Variants in SNX1 observed in about 807,000 individuals in gnomAD.
SNX1 encodes the protein sorting nexin 1.
Under a neutral mutation model 71.8 loss-of-function variants are expected in SNX1, and 36 were observed. That is an observed-to-expected ratio of 0.50 (90% confidence interval 0.38 to 0.66). The LOEUF (loss-of-function observed/expected upper bound fraction) is 0.66. Ranked by LOEUF, SNX1 falls within the 30% of genes least tolerant of loss-of-function variation. The pLI, the probability that SNX1 is intolerant of heterozygous loss-of-function variation, is 0.00. For missense variants in SNX1, 612 were observed against 646.7 expected, an observed-to-expected ratio of 0.95 and a Z score of 0.58; for synonymous variants, 254 against 240.7, an observed-to-expected ratio of 1.06 and a Z score of -0.51.
chr15:64,126,082 A>C lies in SNX1; in HGVS notation c.514A>C (p.Ser172Arg). 8 of 1,614,156 alleles carry C rather than the reference A, an allele frequency of 5.0e-6. No homozygotes were observed. The highest frequency in any genetic ancestry group is 6.8e-6 in the Non-Finnish European group (8 of 1,180,012). ...TGTGTTTTTTCCTGTCCCCAAGACAAGCTTACCATTGTTCAGAAGCAAACA... is the reference window on the plus strand; with the variant it reads ...TGTGTTTTTTCCTGTCCCCAAGACACGCTTACCATTGTTCAGAAGCAAACA... ...YVAYKVTTQT[S>R]LPLFRSKQFA... The change falls in exon 6 of 15, where the codon AGC (serine) becomes CGC (arginine). Residue 172 changes from serine to arginine, a missense_variant. This residue lies in a region of SNX1 where 316 missense variants were observed against 284.9 expected (regional missense o/e 1.11). Coordinates refer to ENST00000559844, the MANE Select transcript of SNX1 (RefSeq NM_003099.5).
At chr15:64,096,953 G>A (rs1295702455) in intron 1 of SNX1, among the ~76,000 whole-genome samples, 1 of 152,204 alleles carries the variant, frequency 6.6e-6, no homozygotes, top group Non-Finnish European at 1.5e-5. Flanking sequence ...AATAACAAAG[G>A]AATGAAACAC....
In SNX1 at chr15:64,112,494, G is replaced by T. The variant is rs1187940230; in HGVS notation, c.160-79G>T. 3.7e-6 allele frequency: 3 copies of T among 804,230 alleles called. No individual in the cohort carries two copies. The Admixed American group carries it at 6.9e-5, about 19-fold the overall frequency. 49.8% of individuals were successfully genotyped at this position (804,230 alleles called of 1,614,324 possible). A position where few individuals can be genotyped will look rare whatever the true frequency, so the allele number is the denominator to read the frequency against. On this transcript the variant is annotated intron_variant, in intron 1 of 14. Transcript: ENST00000559844. ...GGCTGACTGGTGGCAACTGAGGGAGGCATTAAAAGTTGCTTTCTAGGCAAG... is the reference window on the plus strand; with the variant it reads ...GGCTGACTGGTGGCAACTGAGGGAGTCATTAAAAGTTGCTTTCTAGGCAAG...
Position 64,138,323 on chromosome 15 carries a change from C to CTT in SNX1, c.*706_*707insTT, listed in dbSNP as rs1205317987. 0.017 allele frequency: 11,530 copies of CTT among 692,938 alleles called. 1,140 individuals are homozygous for CTT. In the African/African-American group the frequency reaches 0.21, roughly 13 times the overall value. 42.9% of individuals were successfully genotyped at this position (692,938 alleles called of 1,614,324 possible). ...CAAAGGAGGCAGAGACTTTCTCTCT[C>CTT]TCTTTTTTTTTTTTTTTTGGTGTCC... On this transcript the variant is annotated 3_prime_UTR_variant, in exon 15 of 15. Transcript: ENST00000559844.
chr15:64,118,741 CT>C (rs756382375), intron 3 of SNX1, 46 bp from the exon 4 acceptor site: 227 of 1,417,074 alleles, frequency 1.6e-4, no homozygotes, highest in East Asian at 9.9e-4. Context: ...AAATTGATAG[CT>C]TTTTTTTTCA....
At chr15:64,117,618 C>T (rs1276658127) in intron 2 of SNX1, among the ~76,000 whole-genome samples, 3 of 152,026 alleles carry the variant, frequency 2.0e-5, no homozygotes, top group Admixed American at 6.6e-5. Flanking sequence ...AGGAATACTC[C>T]GAAGATTAAA....
At chr15:64,135,391 C>T (rs781049119) in intron 12 of SNX1, among the ~76,000 whole-genome samples, 8 of 150,188 alleles carry the variant, frequency 5.3e-5, no homozygotes, top group Non-Finnish European at 5.9e-5. Context: ...TGAGCCACCG[C>T]GCCCGGCCGA....
chr15:64,102,090 G>GT (rs1251513350), intron 1 of SNX1, among the ~76,000 whole-genome samples: 1 of 152,104 alleles, frequency 6.6e-6, no homozygotes, highest in East Asian at 1.9e-4. Context: ...TAGATACCAA[G>GT]TTTTTTAAAA....
rs887506619 is a variant in SNX1, at chr15:64,139,136, A to G, written c.*1518A>G. 3.9e-5 allele frequency: 6 copies of G among 152,118 alleles called. No homozygotes were observed. Among genetic ancestry groups the G allele is most frequent in the African/African-American group, 1.4e-4 (6 of 41,414 alleles). The allele number at this position is 152,118 out of a possible 1,614,324, so 9.4% of individuals were successfully genotyped here. A position where few individuals can be genotyped will look rare whatever the true frequency, so the allele number is the denominator to read the frequency against. The stretch of plus-strand genomic sequence containing the variant: ...GTTTTATCCTTCCAGTCTTTATTAT[A>G]TGCTTGCTTTTACATAGTTGTAATA... On this transcript the variant is annotated 3_prime_UTR_variant, in exon 15 of 15. Transcript: ENST00000559844.
chr15:64,103,994 A>G (rs1208426192), intron 1 of SNX1, among the ~76,000 whole-genome samples: 2 of 152,242 alleles, frequency 1.3e-5, no homozygotes, highest in Non-Finnish European at 2.9e-5. Flanking sequence ...TGGAGTTAAC[A>G]TACATCAAGT....
chr15:64,099,213 G>T (rs2080933692), intron 1 of SNX1, among the ~76,000 whole-genome samples: 1 of 152,034 alleles, frequency 6.6e-6, no homozygotes, highest in Non-Finnish European at 1.5e-5. Flanking sequence ...CCTGAACATG[G>T]TACTTAATTA....
chr15:64,101,122 A>T lies in SNX1; in HGVS notation c.159+4950A>T, dbSNP rs183310859. Among the ~76,000 whole-genome samples, 4 of 152,300 alleles carry T rather than the reference A, an allele frequency of 2.6e-5. No homozygotes were observed. The East Asian group carries it at 7.7e-4, about 29-fold the overall frequency. On this transcript the variant is annotated intron_variant, in intron 1 of 14. Coordinates refer to ENST00000559844, the MANE Select transcript of SNX1 (RefSeq NM_003099.5). ...TGGCCCAAAAACAATCTTTTTGAAA[A>T]AACTGGGGTAAAATTCACATGACAA...
intron 1 of SNX1, among the ~76,000 whole-genome samples, chr15:64,097,703 A>C (rs2080917803): frequency 6.6e-6 from 1 of 152,266 alleles, no homozygotes; most frequent in Admixed American, 6.5e-5. Flanking sequence ...ATATTTACTC[A>C]TACCACTTGG....
intron 13 of SNX1, among the ~76,000 whole-genome samples, 156 bp downstream of exon 13, chr15:64,136,566 T>C (rs1344665388): frequency 6.6e-6 from 1 of 152,136 alleles, no homozygotes; most frequent in Non-Finnish European, 1.5e-5. Flanking sequence ...GTGTGCTTGA[T>C]CCTAGGAACA....
At chr15:64,105,234 T>A (rs1437633820) in intron 1 of SNX1, among the ~76,000 whole-genome samples, 1 of 131,826 alleles carries the variant, frequency 7.6e-6, no homozygotes, top group African/African-American at 2.8e-5. Flanking sequence ...AAAAAAAAAA[T>A]TAGGGGCTTA....
At chr15:64,105,449 T>C (rs1316901878) in intron 1 of SNX1, among the ~76,000 whole-genome samples, 4 of 152,208 alleles carry the variant, frequency 2.6e-5, no homozygotes, top group Admixed American at 2.0e-4. Context: ...CATAAATAAA[T>C]CATGAGTAGT....
At chr15:64,108,893 A>G (rs1194161043) in intron 1 of SNX1, among the ~76,000 whole-genome samples, 3 of 151,570 alleles carry the variant, frequency 2.0e-5, no homozygotes, top group Non-Finnish European at 4.4e-5. Flanking sequence ...GAGGCTGAGG[A>G]AGGAGAATTG....
At chr15:64,116,240 T>A (rs554823977) in intron 2 of SNX1, among the ~76,000 whole-genome samples, 158 of 152,342 alleles carry the variant, frequency 1.0e-3, no homozygotes, top group Non-Finnish European at 1.9e-3. Context: ...TGGTTCATCA[T>A]AAAGGTTTTC....
At position 64,118,140 on chromosome 15, in the gene SNX1, G is replaced by A. The variant is rs1482440668; in HGVS notation, c.295G>A (p.Asp99Asn). ...FADATVELSL[D>N]STQNNQKKVL... ...AGATGCCACAGTGGAGCTATCCTTGGACAGCACACAAAATAATCAGAAGAA... is the reference window on the plus strand; with the variant it reads ...AGATGCCACAGTGGAGCTATCCTTGAACAGCACACAAAATAATCAGAAGAA... The change falls in exon 3 of 15, where the codon GAC becomes AAC. Residue 99 changes from aspartate (D) to asparagine (N), a missense_variant. Coordinates refer to ENST00000559844, the MANE Select transcript of SNX1 (RefSeq NM_003099.5). 1.2e-6 allele frequency: 2 copies of A among 1,612,572 alleles called. No individual in the cohort carries two copies. The highest frequency in any genetic ancestry group is 1.1e-5 in the South Asian group (1 of 90,954).
At chr15:64,135,167 G>A (rs1446038675) in intron 12 of SNX1, among the ~76,000 whole-genome samples, 2 of 151,966 alleles carry the variant, frequency 1.3e-5, no homozygotes, top group East Asian at 3.9e-4. Context: ...CAACAGGCTG[G>A]AGTGCAGTGG....
Sources: gnomAD v4.1 joint callset for allele counts (sites outside exome capture counted in the v4.1 genomes callset) on GRCh38, gnomAD v4.1.1 for gene constraint, gnomAD v4.1.1 regional missense constraint, MANE v1.5 for transcripts, NCBI Gene and HGNC (gene_info 2026-07-23, HGNC 2026-07-21) for gene names.